ALDH1A2: variants seen among roughly 807,000 people sequenced by gnomAD.
ALDH1A2 encodes aldehyde dehydrogenase 1 family member A2, also known as retinal dehydrogenase 2.
ALDH1A2 carries 27 observed loss-of-function variants against 60.3 expected under a neutral mutation model. That is an observed-to-expected ratio of 0.45 (90% confidence interval 0.33 to 0.62). The LOEUF (loss-of-function observed/expected upper bound fraction) is 0.62. Ranked by LOEUF, ALDH1A2 falls within the 20% of genes least tolerant of loss-of-function variation. ALDH1A2 has a pLI of 0.02. For missense variants in ALDH1A2, 581 were observed against 643.8 expected, an observed-to-expected ratio of 0.90 and a Z score of 1.06; for synonymous variants, 289 against 232.4, an observed-to-expected ratio of 1.24 and a Z score of -2.21.
At chr15:57,991,738 T>C (rs1393556831) in intron 7 of ALDH1A2, 1 of 152,242 alleles carries the variant, frequency 6.6e-6, no homozygotes, top group Non-Finnish European at 1.5e-5. Flanking sequence ...TCACGTATTT[T>C]TTAATGTGGC....
chr15:58,034,415 TTA>T (rs1334999222), intron 1 of ALDH1A2, among the ~76,000 whole-genome samples: 1 of 151,666 alleles, frequency 6.6e-6, no homozygotes, highest in African/African-American at 2.4e-5. Flanking sequence ...GAAAATTATG[TTA>T]TCTGTGAAAA....
chr15:57,965,372 T>G (rs1566930388), intron 8 of ALDH1A2, among the ~76,000 whole-genome samples: 3 of 152,110 alleles, frequency 2.0e-5, no homozygotes, highest in Non-Finnish European at 4.4e-5. Flanking sequence ...CCAGGCACAG[T>G]TGAAAAGTTA....
At chr15:57,960,687 T>C in intron 12 of ALDH1A2, 83 bp downstream of exon 12, 1 of 1,201,016 alleles carries the variant, frequency 8.3e-7, no homozygotes, top group Non-Finnish European at 1.2e-6. Context: ...GAGTGTAAGA[T>C]AATTAAACTA....
chr15:57,998,976 G>T (rs1895160555), intron 4 of ALDH1A2, among the ~76,000 whole-genome samples: 1 of 152,062 alleles, frequency 6.6e-6, no homozygotes, highest in Non-Finnish European at 1.5e-5. Context: ...AATAAATGGT[G>T]CTGGGAAAAC....
chr15:58,014,430 C>G, intron 1 of ALDH1A2, 149 bp from the exon 2 acceptor site: 1 of 726,344 alleles, frequency 1.4e-6, no homozygotes, highest in South Asian at 1.5e-5. Context: ...CTTCTAGACT[C>G]AACGCCAATT....
At chr15:58,050,238 T>C (rs1012295313) in intron 1 of ALDH1A2, among the ~76,000 whole-genome samples, 5 of 152,096 alleles carry the variant, frequency 3.3e-5, no homozygotes, top group Non-Finnish European at 7.4e-5. Context: ...ATTATTCCAG[T>C]GTACCAGTTT....
intron 1 of ALDH1A2, among the ~76,000 whole-genome samples, chr15:58,063,706 G>A (rs1462824484): frequency 6.6e-6 from 1 of 152,156 alleles, no homozygotes; most frequent in African/African-American, 2.4e-5. Context: ...GTGTTACTCA[G>A]TGTTTATGAG....
At chr15:57,981,263 C>A (rs1894493886) in intron 7 of ALDH1A2, among the ~76,000 whole-genome samples, 1 of 149,916 alleles carries the variant, frequency 6.7e-6, no homozygotes, top group African/African-American at 2.5e-5. Flanking sequence ...CGAAGGCAGT[C>A]TTCCAAGAAG....
At chr15:58,029,889 A>G (rs1365846124) in intron 1 of ALDH1A2, among the ~76,000 whole-genome samples, 1 of 152,092 alleles carries the variant, frequency 6.6e-6, no homozygotes, top group East Asian at 1.9e-4. Flanking sequence ...AATTGAGGCA[A>G]TAATAGCCTA....
At chr15:58,050,207 A>C (rs4144004) in intron 1 of ALDH1A2, among the ~76,000 whole-genome samples, 1 of 149,820 alleles carries the variant, frequency 6.7e-6, no homozygotes, top group Non-Finnish European at 1.5e-5. Flanking sequence ...AAAAAAAAAA[A>C]GTCTTTCTAC....
chr15:57,992,732 G>T lies in ALDH1A2; in HGVS notation c.771C>A (p.Asp257Glu). 6.2e-7 allele frequency: 1 copy of T among 1,614,090 alleles called. No homozygotes were observed. The highest frequency in any genetic ancestry group is 8.5e-7 in the Non-Finnish European group (1 of 1,179,996). ...GAAIASHIGI[D>E]KIAFTGSTEV... is the part of the protein sequence containing the mutation. ...CAGTAGACCCTGTGAATGCAATCTT[G>T]TCTATGCCAATGTGAGAAGCTATTG... The change falls in exon 7 of 13, where the codon GAC becomes GAA. Residue 257 changes from aspartate to glutamate, a missense_variant. Physicochemically the swap from Asp to Glu is conservative, Grantham distance 45. Coordinates refer to ENST00000249750, the MANE Select transcript of ALDH1A2 (RefSeq NM_003888.4).
chr15:57,979,961 G>A (rs865794211), intron 7 of ALDH1A2: 2 of 355,862 alleles, frequency 5.6e-6, no homozygotes, highest in Non-Finnish European at 1.2e-5. Flanking sequence ...TCACAGATGT[G>A]CTGCCGCGTC....
At chr15:58,026,721 ATG>A (rs1302167256) in intron 1 of ALDH1A2, among the ~76,000 whole-genome samples, 1 of 152,190 alleles carries the variant, frequency 6.6e-6, no homozygotes, top group African/African-American at 2.4e-5. Context: ...ATTCCCTCCC[ATG>A]CCAGGTTCGG....
chr15:58,013,091 G>C (rs1207595604), intron 3 of ALDH1A2, among the ~76,000 whole-genome samples: 3 of 152,286 alleles, frequency 2.0e-5, no homozygotes, highest in African/African-American at 7.2e-5. Context: ...TTTAGTGAAA[G>C]GAAGTTGCTA....
chr15:57,959,703 T>C (rs931283630), intron 12 of ALDH1A2, among the ~76,000 whole-genome samples: 4 of 152,186 alleles, frequency 2.6e-5, no homozygotes, highest in African/African-American at 4.8e-5. Context: ...TTAGATTAAG[T>C]AATTTGTCCA....
chr15:57,986,801 T>C (rs1394203498), intron 7 of ALDH1A2, among the ~76,000 whole-genome samples: 1 of 151,994 alleles, frequency 6.6e-6, no homozygotes, highest in African/African-American at 2.4e-5. Context: ...ACCTCCTGAG[T>C]AGCTGAGACT....
chr15:58,033,157 C>T (rs1176835708), intron 1 of ALDH1A2, among the ~76,000 whole-genome samples: 3 of 151,882 alleles, frequency 2.0e-5, no homozygotes, highest in East Asian at 1.9e-4. Flanking sequence ...GTGATGGACA[C>T]CTTTAATATC....
chr15:57,979,802 C>A (rs959788579), intron 7 of ALDH1A2: 2 of 251,616 alleles, frequency 7.9e-6, no homozygotes, highest in East Asian at 1.1e-4. Context: ...AAGGGAGCCC[C>A]GTCAGCCACT....
chr15:57,993,681 A>T (rs1279144279), intron 5 of ALDH1A2, among the ~76,000 whole-genome samples: 2 of 152,220 alleles, frequency 1.3e-5, no homozygotes, highest in Non-Finnish European at 2.9e-5. Context: ...TAACATTTAC[A>T]TGAGTAGATG....
Sources: allele counts gnomAD v4.1 joint callset (sites outside exome capture counted in the v4.1 genomes callset), GRCh38; gene constraint gnomAD v4.1.1; transcripts MANE v1.5; gene names NCBI Gene and HGNC (gene_info 2026-07-23, HGNC 2026-07-21).